The following STX16 variants were observed in gnomAD, a reference collection of about 807,000 sequenced individuals.
STX16 encodes the protein syntaxin-16.
In STX16, 28 loss-of-function variants were observed where a neutral mutation model predicts 42.7. The observed-to-expected ratio is 0.66, with a 90% confidence interval of 0.49 to 0.90. The LOEUF (loss-of-function observed/expected upper bound fraction) is 0.90. Among genes scored for constraint, STX16 ranks in the 40% least tolerant of loss-of-function variants. The pLI is 0.00. For missense variants in STX16, 361 were observed against 420.9 expected (o/e 0.86, Z 1.24); for synonymous variants, 156 against 155.2 (o/e 1.00, Z -0.04).
rs190789081 is a variant in STX16 at position 58,652,487 on chromosome 20, C to A, written c.132+349C>A. On this transcript the variant is annotated intron_variant, in intron 1 of 8. Transcript: ENST00000371141. Reference sequence around the variant, plus strand: ...GGGCCTTTCTGAAGCCTTTTTGTTTCGTTTTGTTTGAAGCTCCCCTCCCCC... The same window carrying A: ...GGGCCTTTCTGAAGCCTTTTTGTTTAGTTTTGTTTGAAGCTCCCCTCCCCC... 5.2e-3 allele frequency among the ~76,000 whole-genome samples: 762 copies of A among 145,864 alleles called. 3 individuals are homozygous for A. The highest frequency in any genetic ancestry group is 8.6e-3 in the Non-Finnish European group (575 of 66,918).
intron 2 of STX16, among the ~76,000 whole-genome samples, chr20:58,662,924 G>C (rs541612199): frequency 6.6e-6 from 1 of 152,202 alleles, no homozygotes. Flanking sequence ...GAAAAATGTA[G>C]TGCTGACATC....
At chr20:58,659,562 G>T in intron 1 of STX16, 61 bp from the exon 2 acceptor site, 1 of 1,581,972 alleles carries the variant, frequency 6.3e-7, no homozygotes, top group Admixed American at 1.9e-5. Context: ...TCTGTCCCAT[G>T]CTGCTTTCTT....
intron 7 of STX16, 109 bp downstream of exon 7, chr20:58,671,406 T>C: frequency 1.0e-6 from 1 of 1,003,652 alleles, no homozygotes; most frequent in Non-Finnish European, 1.4e-6. Flanking sequence ...TTTCCCAACA[T>C]GTGTGTGCAC....
chr20:58,660,576 T>C (rs1246116891), intron 2 of STX16, among the ~76,000 whole-genome samples: 5 of 152,158 alleles, frequency 3.3e-5, no homozygotes, highest in Admixed American at 6.6e-5. Context: ...TTAAATATAT[T>C]GTGTAGCATC....
chr20:58,677,807 G>GCTTAGTGT lies in STX16; in HGVS notation c.*1518_*1525dup, dbSNP rs2084169319. On this transcript the variant is annotated 3_prime_UTR_variant, in exon 9 of 9. Transcript: ENST00000371141. Reference sequence around the variant, plus strand: ...TTGAAGTTGTCCAAACAGCTCATGGGCTTAGTGTCCAAACCCCTGCCCAGC... The same window carrying GCTTAGTGT: ...TTGAAGTTGTCCAAACAGCTCATGGGCTTAGTGTCTTAGTGTCCAAACCCCTGCCCAGC... 6.6e-6 allele frequency: 1 copy of GCTTAGTGT among 152,154 alleles called. No individual in the cohort carries two copies. The highest frequency in any genetic ancestry group is 1.5e-5 in the Non-Finnish European group (1 of 68,032). 9.4% of individuals were successfully genotyped at this position (152,154 alleles called of 1,614,324 possible).
chr20:58,668,213 C>T, intron 4 of STX16, 86 bp downstream of exon 4: 2 of 1,519,214 alleles, frequency 1.3e-6, no homozygotes, highest in East Asian at 2.4e-5. Flanking sequence ...GAATCAGTCT[C>T]CTGGAGTCAT....
rs184556309 is a variant in STX16 at position 58,663,043 on chromosome 20, G to A, written c.144+3409G>A. ...TGACTTCATCATACAGGCTCCCAGAGTTTCACGTGGAAGTGTGAGTTGCCA... is the reference window on the plus strand; with the variant it reads ...TGACTTCATCATACAGGCTCCCAGAATTTCACGTGGAAGTGTGAGTTGCCA... On this transcript the variant is annotated intron_variant, in intron 2 of 8. Transcript: ENST00000371141. Among the ~76,000 whole-genome samples the A allele has an allele frequency of 1.2e-4, 18 of 152,332 alleles. No homozygotes were observed. The East Asian group carries it at 3.3e-3, about 28-fold the overall frequency.
chr20:58,677,104 A>G lies in STX16; in HGVS notation c.*813A>G, dbSNP rs1344304073. The stretch of plus-strand genomic sequence containing the variant: ...ATCTCACATTAAAAGAAAGCTTGAC[A>G]GTGTTATGAAAGCCACCAGACTCAG... On this transcript the variant is annotated 3_prime_UTR_variant, in exon 9 of 9. Coordinates refer to ENST00000371141, the MANE Select transcript of STX16 (RefSeq NM_001001433.3). 1 of 152,676 alleles carries G rather than the reference A, an allele frequency of 6.5e-6. No individual in the cohort carries two copies. The highest frequency in any genetic ancestry group is 1.9e-4 in the East Asian group (1 of 5,198). The allele number at this position is 152,676 out of a possible 1,614,324, so 9.5% of individuals were successfully genotyped here. A position where few individuals can be genotyped will look rare whatever the true frequency, so the allele number is the denominator to read the frequency against.
rs760942325 is a variant in STX16 at position 58,669,399 on chromosome 20, G to A, written c.502G>A (p.Ala168Thr). The A allele has an allele frequency of 8.1e-6, 13 of 1,612,532 alleles. No homozygotes were observed. In the East Asian group the frequency reaches 2.5e-4, roughly 30 times the overall value. The change falls in exon 5 of 9, where the codon GCC (alanine) becomes ACC (threonine). Residue 168 changes from alanine to threonine, a missense_variant. Physicochemically the swap from Ala to Thr is moderately conservative, Grantham distance 58. Transcript: ENST00000371141. ...GAACGTGGTGGCCTCGCTGGCGCAG[G>A]CCCTGCAGGAACTCTCCACCAGCTT... is the stretch of plus-strand genomic sequence containing the variant. ...LGNVVASLAQ[A>T]LQELSTSFRH...
At position 58,675,140 on chromosome 20, in the gene STX16, G is replaced by A. The variant is rs118002035; in HGVS notation, c.874-1047G>A. ...TAGTCTAAGGGTGATTGAGCGTCGGGAGCTGCTCCCCATGACCGGACTCTC... is the reference window on the plus strand; with the variant it reads ...TAGTCTAAGGGTGATTGAGCGTCGGAAGCTGCTCCCCATGACCGGACTCTC... On this transcript the variant is annotated intron_variant, in intron 8 of 8. Coordinates refer to ENST00000371141, the MANE Select transcript of STX16 (RefSeq NM_001001433.3). Among the ~76,000 whole-genome samples, 936 of 152,170 alleles carry A rather than the reference G, an allele frequency of 6.2e-3. 11 individuals carry two copies. The highest frequency in any genetic ancestry group is 0.037 in the Middle Eastern group (11 of 294).
intron 7 of STX16, 141 bp from the exon 8 acceptor site, chr20:58,673,490 C>T (rs2084030271): frequency 3.3e-6 from 2 of 598,100 alleles, no homozygotes; most frequent in Admixed American, 2.7e-5. Flanking sequence ...CTCCAGAGCC[C>T]TCCGTGTGTA....
At chr20:58,661,055 G>A (rs757507705) in intron 2 of STX16, among the ~76,000 whole-genome samples, 89 of 152,090 alleles carry the variant, frequency 5.9e-4, no homozygotes, top group African/African-American at 2.1e-3. Flanking sequence ...GCCTGGGCAC[G>A]GGGCCCTGGA....
intron 6 of STX16, among the ~76,000 whole-genome samples, chr20:58,670,918 C>T (rs1385947220): frequency 1.3e-5 from 2 of 152,178 alleles, no homozygotes; most frequent in East Asian, 1.9e-4. Flanking sequence ...AGTTGGCAGA[C>T]GTGGGCTTCT....
intron 1 of STX16, among the ~76,000 whole-genome samples, chr20:58,658,426 T>C (rs995501863): frequency 1.4e-4 from 21 of 152,244 alleles, no homozygotes; most frequent in African/African-American, 4.8e-4. Flanking sequence ...ATAGAGTTCT[T>C]TTTTGCTCTC....
At chr20:58,658,437 A>G (rs1451933005) in intron 1 of STX16, among the ~76,000 whole-genome samples, 1 of 152,150 alleles carries the variant, frequency 6.6e-6, no homozygotes, top group Non-Finnish European at 1.5e-5. Flanking sequence ...TTTTGCTCTC[A>G]TAGAAAATTG....
intron 2 of STX16, among the ~76,000 whole-genome samples, chr20:58,662,287 C>T (rs903328183): frequency 6.6e-6 from 1 of 152,208 alleles, no homozygotes; most frequent in African/African-American, 2.4e-5. Context: ...AAATAGGGAG[C>T]GGCGCTCCTC....
chr20:58,666,240 C>T (rs1273483112), intron 2 of STX16, among the ~76,000 whole-genome samples: 1 of 152,018 alleles, frequency 6.6e-6, no homozygotes, highest in Non-Finnish European at 1.5e-5. Context: ...CTATAAAGGG[C>T]TTTTATAGAT....
In STX16 at chr20:58,667,716, C is replaced by A; in HGVS notation, c.252+119C>A. On this transcript the variant is annotated intron_variant, in intron 3 of 8. Coordinates refer to ENST00000371141, the MANE Select transcript of STX16 (RefSeq NM_001001433.3). The stretch of plus-strand genomic sequence containing the variant: ...ACTTGAATGTATATTTCTAGAAATA[C>A]TTTAGCTTTAGGTTAAGTTGTCTAT... 2 of 980,292 alleles carry A rather than the reference C, an allele frequency of 2.0e-6. 1 individual carries two copies. Among genetic ancestry groups the A allele is most frequent in the South Asian group, 3.1e-5 (2 of 65,512 alleles). 60.7% of individuals were successfully genotyped at this position (980,292 alleles called of 1,614,324 possible).
At chr20:58,652,415 G>A in intron 1 of STX16, 1 of 513,096 alleles carries the variant, frequency 1.9e-6, no homozygotes, top group Non-Finnish European at 3.5e-6. Flanking sequence ...TGCGCTACAG[G>A]CCGCCTGTAA....
Sources: allele counts gnomAD v4.1 joint callset (sites outside exome capture counted in the v4.1 genomes callset), GRCh38; gene constraint gnomAD v4.1.1; transcripts MANE v1.5; gene names NCBI Gene and HGNC (gene_info 2026-07-23, HGNC 2026-07-21).